The following CACNB2 variants were observed in gnomAD, a reference collection of about 807,000 sequenced individuals.
CACNB2 encodes voltage-dependent L-type calcium channel subunit beta-2.
A neutral mutation model predicts 73.3 loss-of-function variants in CACNB2; 42 were observed. The ratio of observed to expected loss-of-function variants is 0.57; its 90% CI spans 0.45 to 0.74. The LOEUF is 0.74. CACNB2 is among the 30% of genes least tolerant of loss of function. The pLI, the probability that CACNB2 is intolerant of heterozygous loss-of-function variation, is 0.00. For synonymous variants in CACNB2, 348 were observed against 310.3 expected (o/e 1.12, Z -1.28); for missense variants, 940 against 853.0 (o/e 1.10, Z -1.27).
At chr10:18,466,042 C>A (rs1201114094) in intron 3 of CACNB2, among the ~76,000 whole-genome samples, 1 of 152,124 alleles carries the variant, frequency 6.6e-6, no homozygotes, top group Non-Finnish European at 1.5e-5. Flanking sequence ...TTATCTAAAC[C>A]TCCCAAGAGA....
chr10:18,517,132 A>G (rs2051362412), intron 7 of CACNB2, among the ~76,000 whole-genome samples: 1 of 152,330 alleles, frequency 6.6e-6, no homozygotes, highest in African/African-American at 2.4e-5. Flanking sequence ...ATATCTGCAC[A>G]TCAGTGTACT....
chr10:18,407,264 G>A (rs998887951), intron 3 of CACNB2, among the ~76,000 whole-genome samples: 1 of 151,166 alleles, frequency 6.6e-6, no homozygotes, highest in African/African-American at 2.4e-5. Context: ...TGGCATTACA[G>A]GCACGCACCA....
chr10:18,419,780 T>C (rs938203424), intron 3 of CACNB2, among the ~76,000 whole-genome samples: 3 of 152,170 alleles, frequency 2.0e-5, no homozygotes, highest in African/African-American at 7.2e-5. Context: ...GAATGCTGGC[T>C]TATATGGGTT....
At chr10:18,166,314 G>A (rs1030110826) in intron 2 of CACNB2, among the ~76,000 whole-genome samples, 1 of 151,984 alleles carries the variant, frequency 6.6e-6, no homozygotes, top group Non-Finnish European at 1.5e-5. Flanking sequence ...GAAGTGCAGT[G>A]GCACAATCTT....
At chr10:18,446,708 T>C (rs1449590943) in intron 3 of CACNB2, among the ~76,000 whole-genome samples, 2 of 152,180 alleles carry the variant, frequency 1.3e-5, no homozygotes, top group Non-Finnish European at 2.9e-5. Flanking sequence ...ACATGCGCTG[T>C]GACACTCCAA....
intron 2 of CACNB2, among the ~76,000 whole-genome samples, chr10:18,395,439 T>C (rs2043671478): frequency 6.6e-6 from 1 of 152,116 alleles, no homozygotes; most frequent in Non-Finnish European, 1.5e-5. Flanking sequence ...ATTTTTCTGG[T>C]GCCTTTTAAA....
rs1423822437 is a variant in CACNB2 at position 18,539,796 on chromosome 10, GTCTTTGGGGTCTACA to G, written c.*73_*87del. 1.8e-6 allele frequency: 2 copies of G among 1,098,262 alleles called. No homozygotes were observed. Among genetic ancestry groups the G allele is most frequent in the African/African-American group, 3.5e-5 (2 of 57,178 alleles). 68.0% of individuals were successfully genotyped at this position (1,098,262 alleles called of 1,614,324 possible). On this transcript the variant is annotated 3_prime_UTR_variant, in exon 14 of 14. Transcript: ENST00000324631. ...TAACTAACAGCATCCCCAAAACAAAGTCTTTGGGGTCTACACTGCAATCATATGTGATCTGTCTTG... is the reference window on the plus strand; with the variant it reads ...TAACTAACAGCATCCCCAAAACAAAGCTGCAATCATATGTGATCTGTCTTG...
rs752356460 is a variant in CACNB2, at chr10:18,150,981, A to T, written c.213+6A>T. 1 of 1,552,046 alleles carries T rather than the reference A, an allele frequency of 6.4e-7. No homozygotes were observed. Among genetic ancestry groups the T allele is most frequent in the Non-Finnish European group, 8.9e-7 (1 of 1,128,838 alleles). On this transcript the variant is annotated splice_donor_region_variant and intron_variant, in intron 2 of 13. Transcript: ENST00000324631. ...CAAATAGTTTTGTTCGCCAGGTAAGAGTTTTAAGTTCATGGTTTTGATAAG... is the reference window on the plus strand; with the variant it reads ...CAAATAGTTTTGTTCGCCAGGTAAGTGTTTTAAGTTCATGGTTTTGATAAG...
chr10:18,368,906 G>A (rs79400969), intron 2 of CACNB2, among the ~76,000 whole-genome samples: 1,992 of 152,034 alleles, frequency 0.013, 34 homozygotes, highest in East Asian at 0.037. Context: ...TAAAAAAAAA[G>A]AGAGAGAACC....
At chr10:18,330,042 T>C (rs979846098) in intron 2 of CACNB2, among the ~76,000 whole-genome samples, 7 of 152,152 alleles carry the variant, frequency 4.6e-5, no homozygotes, top group Non-Finnish European at 1.0e-4. Flanking sequence ...GGTTTTGCCA[T>C]GTTGGCCAGG....
At chr10:18,193,377 G>A (rs568731721) in intron 2 of CACNB2, among the ~76,000 whole-genome samples, 11 of 151,250 alleles carry the variant, frequency 7.3e-5, no homozygotes, top group Non-Finnish European at 1.3e-4. Flanking sequence ...CTAGTTTTTC[G>A]ATTATAGCCA....
chr10:18,232,086 T>C (rs532154746), intron 2 of CACNB2, among the ~76,000 whole-genome samples: 3 of 152,366 alleles, frequency 2.0e-5, no homozygotes, highest in Admixed American at 6.5e-5. Context: ...AGTTCTCTTC[T>C]GAAGGTAACA....
intron 3 of CACNB2, among the ~76,000 whole-genome samples, chr10:18,406,095 T>C (rs2044273093): frequency 6.6e-6 from 1 of 152,158 alleles, no homozygotes; most frequent in African/African-American, 2.4e-5. Context: ...GCCCAGTTGG[T>C]GAATAGGAGA....
intron 1 of CACNB2, 28 bp from the exon 2 acceptor site, chr10:18,150,855 C>CTTTTTTTTTTTTTTGTTTTT: frequency 4.1e-6 from 2 of 483,392 alleles, no homozygotes; most frequent in Non-Finnish European, 3.1e-6. Context: ...TCTTATTTGT[C>CTTTTTTTTTTTTTTGTTTTT]TTTTTTTTTT....
intron 2 of CACNB2, among the ~76,000 whole-genome samples, chr10:18,322,770 G>A (rs146240835): frequency 1.3e-5 from 2 of 152,108 alleles, no homozygotes; most frequent in South Asian, 2.1e-4. Context: ...AGCTGGCTAA[G>A]TCATTTACAT....
chr10:18,237,810 G>A (rs550516179), intron 2 of CACNB2, among the ~76,000 whole-genome samples: 13 of 152,198 alleles, frequency 8.5e-5, no homozygotes, highest in Non-Finnish European at 1.3e-4. Context: ...CCAGTGTACC[G>A]CAATATACCA....
intron 1 of CACNB2, 28 bp from the exon 2 acceptor site, chr10:18,150,855 C>CTTTTTTTTGT: frequency 2.1e-6 from 1 of 483,392 alleles, no homozygotes; most frequent in Non-Finnish European, 3.1e-6. Context: ...TCTTATTTGT[C>CTTTTTTTTGT]TTTTTTTTTT....
chr10:18,330,965 C>A (rs1014817216), intron 2 of CACNB2, among the ~76,000 whole-genome samples: 6 of 151,060 alleles, frequency 4.0e-5, no homozygotes, highest in African/African-American at 9.8e-5. Flanking sequence ...CCGTGCCCGG[C>A]CTTTTTATCT....
At chr10:18,212,211 A>G (rs2035345387) in intron 2 of CACNB2, among the ~76,000 whole-genome samples, 1 of 152,138 alleles carries the variant, frequency 6.6e-6, no homozygotes, top group Admixed American at 6.5e-5. Flanking sequence ...CTCCAAAATC[A>G]TGGTGCCATT....
Sources: allele counts gnomAD v4.1 joint callset (sites outside exome capture counted in the v4.1 genomes callset), GRCh38; gene constraint gnomAD v4.1.1; transcripts MANE v1.5; gene names NCBI Gene and HGNC (gene_info 2026-07-23, HGNC 2026-07-21).